IPO7: variants seen among roughly 807,000 people sequenced by gnomAD.
The protein encoded by IPO7 is importin 7, also known as importin-7.
A neutral mutation model predicts 136.4 loss-of-function variants in IPO7; 13 were observed. The ratio of observed to expected loss-of-function variants is 0.10; its 90% confidence interval spans 0.06 to 0.15. The LOEUF (loss-of-function observed/expected upper bound fraction) is 0.15. Ranked by LOEUF, IPO7 falls within the 10% of genes least tolerant of loss-of-function variation. The pLI is 1.00. For synonymous variants in IPO7, 403 were observed against 404.4 expected (o/e 1.00, Z 0.04); for missense variants, 857 against 1,240.6 (o/e 0.69, Z 4.65).
At chr11:9,386,183 T>G (rs1429508824) in intron 1 of IPO7, among the ~76,000 whole-genome samples, 3 of 152,212 alleles carry the variant, frequency 2.0e-5, no homozygotes, top group African/African-American at 4.8e-5. Context: ...TTACACAAAT[T>G]AAATGTAAAA....
chr11:9,397,370 C>T (rs1452424475), intron 1 of IPO7, among the ~76,000 whole-genome samples: 2 of 48,246 alleles, frequency 4.1e-5, no homozygotes, highest in African/African-American at 8.9e-5. Flanking sequence ...ATATATTAGT[C>T]GGGCACGGTG....
At chr11:9,385,812 ATTC>A (rs1854545156) in intron 1 of IPO7, among the ~76,000 whole-genome samples, 1 of 152,036 alleles carries the variant, frequency 6.6e-6, no homozygotes, top group African/African-American at 2.4e-5. Context: ...CTCCAGTGTC[ATTC>A]TTTGTTTCTA....
chr11:9,396,907 G>GT (rs1228179981), intron 1 of IPO7, among the ~76,000 whole-genome samples: 2 of 151,842 alleles, frequency 1.3e-5, no homozygotes, highest in Non-Finnish European at 2.9e-5. Flanking sequence ...TCTCAGTTTT[G>GT]TTTTTTTAAG....
chr11:9,396,439 C>T (rs1480441208), intron 1 of IPO7, among the ~76,000 whole-genome samples: 6 of 152,112 alleles, frequency 3.9e-5, no homozygotes, highest in Non-Finnish European at 8.8e-5. Context: ...TCAGTGTTGT[C>T]GATTTAACTA....
intron 2 of IPO7, among the ~76,000 whole-genome samples, chr11:9,407,714 A>T (rs977377235): frequency 6.6e-6 from 1 of 152,222 alleles, no homozygotes; most frequent in Non-Finnish European, 1.5e-5. Flanking sequence ...TTGAGATAAG[A>T]ATTGCTAATT....
chr11:9,437,936 T>C lies in IPO7; in HGVS notation c.2451T>C (p.Phe817=). The change falls in exon 21 of 25, where the codon TTT becomes TTC. Residue 817 remains phenylalanine, a synonymous_variant. Transcript: ENST00000379719. ...PNNVEPVTNH[F]ITQWLNDVDC... Reference sequence around the variant, plus strand: ...ATGTTGAACCAGTTACAAATCATTTTATTACACAGTGGCTTAATGATGTTG... The same window carrying C: ...ATGTTGAACCAGTTACAAATCATTTCATTACACAGTGGCTTAATGATGTTG... 1 of 1,613,886 alleles carries C rather than the reference T, an allele frequency of 6.2e-7. No homozygotes were observed. The highest frequency in any genetic ancestry group is 1.1e-5 in the South Asian group (1 of 91,080).
Position 9,398,041 on chromosome 11 carries a change from C to T in IPO7, c.85-5249C>T, listed in dbSNP as rs1202161435. Among the ~76,000 whole-genome samples, 7 of 152,206 alleles carry T rather than the reference C, an allele frequency of 4.6e-5. No individual in the cohort carries two copies. In the East Asian group the frequency reaches 1.2e-3, roughly 25 times the overall value. ...ATGATTTGATGCAGGAGAGAAGATACATACTGTAATGTAAATGGTCTGAAA... is the reference window on the plus strand; with the variant it reads ...ATGATTTGATGCAGGAGAGAAGATATATACTGTAATGTAAATGGTCTGAAA... On this transcript the variant is annotated intron_variant, in intron 1 of 24. Coordinates refer to ENST00000379719, the MANE Select transcript of IPO7 (RefSeq NM_006391.3).
intron 4 of IPO7, among the ~76,000 whole-genome samples, chr11:9,412,469 C>G (rs1386070292): frequency 6.6e-6 from 1 of 152,140 alleles, no homozygotes; most frequent in Non-Finnish European, 1.5e-5. Flanking sequence ...ATAATGATTT[C>G]TATAATCAGT....
At chr11:9,426,437 C>T (rs754483329) in intron 12 of IPO7, among the ~76,000 whole-genome samples, 7 of 152,124 alleles carry the variant, frequency 4.6e-5, no homozygotes, top group Non-Finnish European at 7.4e-5. Flanking sequence ...TTTCTACTTT[C>T]TGGCTGCTTA....
chr11:9,434,843 T>C (rs894749589), intron 18 of IPO7, 91 bp from the exon 19 acceptor site: 1 of 827,638 alleles, frequency 1.2e-6, no homozygotes, highest in African/African-American at 1.7e-5. Flanking sequence ...AATGATCTCA[T>C]AGATTTGCCT....
At chr11:9,438,633 A>G (rs1373557587) in intron 22 of IPO7, among the ~76,000 whole-genome samples, 1 of 152,008 alleles carries the variant, frequency 6.6e-6, no homozygotes. Flanking sequence ...TCAGATTAAA[A>G]AAAAATATAT....
chr11:9,418,252 A>T (rs891863363), intron 6 of IPO7, among the ~76,000 whole-genome samples: 1 of 147,230 alleles, frequency 6.8e-6, no homozygotes, highest in Non-Finnish European at 1.5e-5. Flanking sequence ...TTTATTTTTC[A>T]TAGAGACAGG....
chr11:9,401,357 A>G (rs2133728556), intron 1 of IPO7, among the ~76,000 whole-genome samples: 1 of 152,194 alleles, frequency 6.6e-6, no homozygotes, highest in African/African-American at 2.4e-5. Context: ...TTTTTAAAAG[A>G]TTGTTTTGCC....
At chr11:9,425,720 AAAT>A (rs1335444078) in intron 12 of IPO7, among the ~76,000 whole-genome samples, 1 of 152,070 alleles carries the variant, frequency 6.6e-6, no homozygotes, top group Non-Finnish European at 1.5e-5. Flanking sequence ...CTAAAAATAA[AAAT>A]AAAAAATTAG....
intron 1 of IPO7, chr11:9,402,589 G>A (rs1854816565): frequency 6.6e-6 from 1 of 151,506 alleles, no homozygotes; most frequent in Non-Finnish European, 1.5e-5. Flanking sequence ...GCTGGGCACA[G>A]TGGCTCACAC....
chr11:9,439,120 C>CA (rs373662850), intron 22 of IPO7, among the ~76,000 whole-genome samples: 40 of 151,938 alleles, frequency 2.6e-4, no homozygotes, highest in African/African-American at 9.6e-4. Context: ...TGTTTTTTGG[C>CA]TTTTTTTCCT....
At chr11:9,401,183 A>G (rs1209818393) in intron 1 of IPO7, among the ~76,000 whole-genome samples, 2 of 148,066 alleles carry the variant, frequency 1.4e-5, no homozygotes, top group African/African-American at 4.9e-5. Flanking sequence ...TTCTGTCTCA[A>G]AAAAAAAAAA....
intron 12 of IPO7, among the ~76,000 whole-genome samples, chr11:9,428,144 G>A (rs1315632423): frequency 6.6e-6 from 1 of 152,052 alleles, no homozygotes; most frequent in Admixed American, 6.6e-5. Context: ...AAAAAAGAGT[G>A]TGCCTTTTTA....
chr11:9,440,812 A>G (rs1436374332), intron 23 of IPO7, 151 bp downstream of exon 23: 3 of 607,340 alleles, frequency 4.9e-6, no homozygotes, highest in Non-Finnish European at 8.8e-6. Context: ...TAAGGTTGCC[A>G]TAGTTTCTGA....
Sources: gnomAD v4.1 joint callset for allele counts (sites outside exome capture counted in the v4.1 genomes callset) on GRCh38, gnomAD v4.1.1 for gene constraint, MANE v1.5 for transcripts, NCBI Gene and HGNC (gene_info 2026-07-23, HGNC 2026-07-21) for gene names.